SYNJ1: variants seen among roughly 807,000 people sequenced by gnomAD.
The protein encoded by SYNJ1 is polyphosphatidylinositol phosphatase SYNJ1.
In SYNJ1, 78 loss-of-function variants were observed where a neutral mutation model predicts 168.2. The ratio of observed to expected loss-of-function variants is 0.46; its 90% confidence interval spans 0.39 to 0.56. The LOEUF is 0.56. Among genes scored for constraint, SYNJ1 ranks in the 20% least tolerant of loss-of-function variants. The pLI, the probability that SYNJ1 is intolerant of heterozygous loss-of-function variation, is 0.00. For synonymous variants in SYNJ1, 539 were observed against 548.6 expected, an observed-to-expected ratio of 0.98 and a Z score of 0.24; for missense variants, 1,303 against 1,597.6, an observed-to-expected ratio of 0.82 and a Z score of 3.14.
At position 32,679,194 on chromosome 21, in the gene SYNJ1, A is replaced by T. The variant is rs570969770; in HGVS notation, c.1354-393T>A. 1.5e-4 allele frequency among the ~76,000 whole-genome samples: 23 copies of T among 152,326 alleles called. 1 individual carries two copies. In the South Asian group the frequency reaches 4.8e-3, roughly 32 times the overall value. On this transcript the variant is annotated intron_variant, in intron 11 of 32. Transcript: ENST00000674351. ...AATGGGTAAGGAGAAATGGGAGATA[A>T]AAGAAGATACACTGAGCTTAACTGC...
intron 6 of SYNJ1, among the ~76,000 whole-genome samples, chr21:32,689,752 C>T (rs903606189): frequency 6.6e-6 from 1 of 152,218 alleles, no homozygotes; most frequent in African/African-American, 2.4e-5. Context: ...CCTCACTGCA[C>T]TAAGTCAGAT....
At chr21:32,659,271 G>C (rs951399207) in intron 18 of SYNJ1, among the ~76,000 whole-genome samples, 15 of 151,288 alleles carry the variant, frequency 9.9e-5, no homozygotes, top group African/African-American at 3.6e-4. Context: ...GGAAAAAAAA[G>C]TTTATCCTTC....
chr21:32,716,030 C>T (rs1294065773), intron 2 of SYNJ1, among the ~76,000 whole-genome samples: 1 of 152,130 alleles, frequency 6.6e-6, no homozygotes, highest in Non-Finnish European at 1.5e-5. Flanking sequence ...TACTGATCAG[C>T]AATGGCTTAT....
chr21:32,649,032 C>T (rs1052513817), intron 23 of SYNJ1, among the ~76,000 whole-genome samples: 5 of 152,192 alleles, frequency 3.3e-5, no homozygotes, highest in African/African-American at 1.2e-4. Flanking sequence ...TTTGGATTCT[C>T]AACTTAAATT....
At chr21:32,708,900 T>G (rs1157275425) in intron 2 of SYNJ1, among the ~76,000 whole-genome samples, 1 of 151,960 alleles carries the variant, frequency 6.6e-6, no homozygotes, top group African/African-American at 2.4e-5. Flanking sequence ...AGTGGATTGC[T>G]TGAACCCAAG....
At chr21:32,692,508 G>A (rs551462613) in intron 6 of SYNJ1, among the ~76,000 whole-genome samples, 13 of 152,218 alleles carry the variant, frequency 8.5e-5, no homozygotes, top group African/African-American at 3.1e-4. Flanking sequence ...CCTGGGAGGC[G>A]GAGGTTGCAG....
intron 14 of SYNJ1, 128 bp downstream of exon 14, chr21:32,673,212 G>T (rs535651736): frequency 2.9e-6 from 2 of 684,474 alleles, no homozygotes; most frequent in Non-Finnish European, 4.3e-6. Context: ...GATGTTGTTG[G>T]TCTTCAAATG....
chr21:32,657,112 G>T lies in SYNJ1; in HGVS notation c.2470C>A (p.Leu824Ile). ...KWPFDRSAED[L>I]DLLNASFQDE... ...TGAAAACTAGCATTTAGAAGATCTA[G>T]ATCTTCAGCTGCAGTCAGAAGAAAT... Residue 824 changes from leucine to isoleucine, a missense_variant, in exon 20 of 33, where the codon CTA becomes ATA. Leu to Ile is a conservative substitution (Grantham distance 5). Transcript: ENST00000674351. 1 of 1,602,494 alleles carries T rather than the reference G, an allele frequency of 6.2e-7. No individual in the cohort carries two copies. Among genetic ancestry groups the T allele is most frequent in the Non-Finnish European group, 8.6e-7 (1 of 1,169,520 alleles).
chr21:32,706,080 GCTGCAATACTC>G (rs1474318076), intron 2 of SYNJ1, among the ~76,000 whole-genome samples: 4 of 152,178 alleles, frequency 2.6e-5, no homozygotes, highest in Admixed American at 2.6e-4. Flanking sequence ...AAGCACCATT[GCTGCAATACTC>G]CTGCCAGAGG....
At chr21:32,691,105 G>A (rs2042010008) in intron 6 of SYNJ1, among the ~76,000 whole-genome samples, 1 of 152,112 alleles carries the variant, frequency 6.6e-6, no homozygotes, top group Non-Finnish European at 1.5e-5. Context: ...TTGGATCTGT[G>A]TACCCCCTAA....
intron 2 of SYNJ1, among the ~76,000 whole-genome samples, chr21:32,719,326 G>T (rs1396506004): frequency 6.6e-6 from 1 of 152,220 alleles, no homozygotes; most frequent in Non-Finnish European, 1.5e-5. Flanking sequence ...GTGAAACCGG[G>T]TTTTTGCTGG....
At chr21:32,679,955 T>C (rs2041557473) in intron 11 of SYNJ1, among the ~76,000 whole-genome samples, 1 of 152,076 alleles carries the variant, frequency 6.6e-6, no homozygotes, top group South Asian at 2.1e-4. Flanking sequence ...ATGTTAAAGA[T>C]AAAAGACCAC....
intron 2 of SYNJ1, among the ~76,000 whole-genome samples, chr21:32,726,458 G>A (rs1414718656): frequency 6.6e-6 from 1 of 152,064 alleles, no homozygotes; most frequent in Non-Finnish European, 1.5e-5. Flanking sequence ...ACACTGTATG[G>A]GTTTATGTGA....
chr21:32,671,039 A>G (rs1191658920), intron 14 of SYNJ1, among the ~76,000 whole-genome samples: 3 of 152,152 alleles, frequency 2.0e-5, no homozygotes, highest in African/African-American at 7.2e-5. Flanking sequence ...CAGATGCTAC[A>G]GCCCCTGCCT....
chr21:32,701,056 C>T (rs1428156523), intron 3 of SYNJ1, among the ~76,000 whole-genome samples: 1 of 152,122 alleles, frequency 6.6e-6, no homozygotes, highest in East Asian at 1.9e-4. Flanking sequence ...TTACCTGGAC[C>T]AATTTCAGTA....
Position 32,631,476 on chromosome 21 carries a change from C to T in SYNJ1, c.*329G>A, listed in dbSNP as rs61750217. 20,986 of 1,614,048 alleles carry T rather than the reference C, an allele frequency of 0.013. 178 individuals carry two copies. The highest frequency in any genetic ancestry group is 0.048 in the Middle Eastern group (293 of 6,062). On this transcript the variant is annotated 3_prime_UTR_variant, in exon 33 of 33. Transcript: ENST00000674351. ...TTCAGACTTGGCTCTAAATGGGTTT[C>T]CAGGAGCAGCAGTCCTGTCACTGAA...
chr21:32,665,937 G>A lies in SYNJ1; in HGVS notation c.2145+6C>T. On this transcript the variant is annotated splice_donor_region_variant and intron_variant, in intron 17 of 32. Coordinates refer to ENST00000674351, the MANE Select transcript of SYNJ1 (RefSeq NM_203446.3). ...TTATCTTCAAGAACAAGCAGCAAGA[G>A]CTTACCATAGGAAAACTCAATTTTC... The A allele has an allele frequency of 1.3e-6, 2 of 1,596,896 alleles. No individual in the cohort carries two copies. The highest frequency in any genetic ancestry group is 4.5e-5 in the East Asian group (2 of 44,528).
chr21:32,713,815 A>G (rs2042926797), intron 2 of SYNJ1, among the ~76,000 whole-genome samples: 1 of 152,264 alleles, frequency 6.6e-6, no homozygotes, highest in African/African-American at 2.4e-5. Flanking sequence ...GAAAGGAGCT[A>G]GATACCAAAG....
intron 6 of SYNJ1, among the ~76,000 whole-genome samples, chr21:32,692,078 T>C (rs2042045807): frequency 1.3e-5 from 2 of 152,138 alleles, no homozygotes; most frequent in African/African-American, 4.8e-5. Flanking sequence ...GTGAGAATCT[T>C]CCAGGCTAGA....
Sources: gnomAD v4.1 joint callset for allele counts (sites outside exome capture counted in the v4.1 genomes callset) on GRCh38, gnomAD v4.1.1 for gene constraint, MANE v1.5 for transcripts, NCBI Gene and HGNC (gene_info 2026-07-23, HGNC 2026-07-21) for gene names.